The following RHBDL2 variants were observed in gnomAD, a reference collection of about 807,000 sequenced individuals.
The protein encoded by RHBDL2 is rhomboid-related protein 2.
RHBDL2 carries 26 observed loss-of-function variants against 31.7 expected under a neutral mutation model. The observed-to-expected ratio is 0.82, with a 90% confidence interval of 0.60 to 1.14. The LOEUF is 1.14. RHBDL2 is among the 50% of genes most tolerant of loss of function. The probability of loss-of-function intolerance (pLI) is 0.00; values close to 1 mark genes in which losing one functional copy is unlikely to be tolerated. For missense variants in RHBDL2, 336 were observed against 364.4 expected, an observed-to-expected ratio of 0.92 and a Z score of 0.63; for synonymous variants, 123 against 127.2, an observed-to-expected ratio of 0.97 and a Z score of 0.22.
At chr1:38,906,800 T>C (rs1322670549) in intron 4 of RHBDL2, among the ~76,000 whole-genome samples, 1 of 152,160 alleles carries the variant, frequency 6.6e-6, no homozygotes, top group African/African-American at 2.4e-5. Flanking sequence ...TGTTCATACA[T>C]TGAAACACTC....
intron 1 of RHBDL2, among the ~76,000 whole-genome samples, chr1:38,924,485 T>C (rs1056763245): frequency 6.6e-6 from 1 of 151,824 alleles, no homozygotes; most frequent in East Asian, 1.9e-4. Context: ...TCCCAGCTAC[T>C]CGGGAGGCTG....
intron 3 of RHBDL2, among the ~76,000 whole-genome samples, chr1:38,912,904 A>G (rs139947361): frequency 1.9e-3 from 62 of 32,580 alleles, no homozygotes; most frequent in African/African-American, 3.5e-3. Flanking sequence ...ATATATATAT[A>G]TATATATGTG....
At chr1:38,940,751 A>T (rs1643552061) in intron 1 of RHBDL2, among the ~76,000 whole-genome samples, 1 of 152,194 alleles carries the variant, frequency 6.6e-6, no homozygotes, top group Non-Finnish European at 1.5e-5. Context: ...CTTCATAAAA[A>T]TATCATTTTG....
chr1:38,909,596 G>C (rs964997199), intron 4 of RHBDL2, among the ~76,000 whole-genome samples: 1 of 151,992 alleles, frequency 6.6e-6, no homozygotes, highest in African/African-American at 2.4e-5. Flanking sequence ...ACAAAAATTA[G>C]CTGGGTGTGG....
chr1:38,918,363 A>C (rs557976210), intron 2 of RHBDL2, among the ~76,000 whole-genome samples: 2 of 152,178 alleles, frequency 1.3e-5, no homozygotes, highest in Admixed American at 1.3e-4. Flanking sequence ...GGGGGAAAAA[A>C]CTAGGTGCCA....
chr1:38,910,932 C>T (rs1468468141), intron 4 of RHBDL2, among the ~76,000 whole-genome samples: 1 of 65,348 alleles, frequency 1.5e-5, no homozygotes, highest in Non-Finnish European at 5.2e-5. Context: ...GGGTGAGCCA[C>T]CACCCCCAGC....
intron 4 of RHBDL2, among the ~76,000 whole-genome samples, chr1:38,897,791 G>A (rs1196454630): frequency 6.6e-6 from 1 of 152,172 alleles, no homozygotes; most frequent in Non-Finnish European, 1.5e-5. Flanking sequence ...AACTGGAAAA[G>A]CAATGGCATA....
chr1:38,939,690 C>G (rs1643543346), intron 1 of RHBDL2, among the ~76,000 whole-genome samples: 1 of 151,892 alleles, frequency 6.6e-6, no homozygotes, highest in Non-Finnish European at 1.5e-5. Context: ...CAGGTGCACA[C>G]CACCACACCA....
At chr1:38,934,117 G>T (rs1357897266) in intron 1 of RHBDL2, among the ~76,000 whole-genome samples, 1 of 151,332 alleles carries the variant, frequency 6.6e-6, no homozygotes, top group Non-Finnish European at 1.5e-5. Context: ...GGAAACTGAG[G>T]TGGGTGGATC....
intron 4 of RHBDL2, among the ~76,000 whole-genome samples, chr1:38,908,278 C>T (rs899881343): frequency 1.3e-5 from 2 of 151,650 alleles, no homozygotes; most frequent in South Asian, 4.1e-4. Context: ...TTTGGGAGGC[C>T]GAGGCAGGTG....
At chr1:38,910,348 G>A (rs1643123118) in intron 4 of RHBDL2, among the ~76,000 whole-genome samples, 1 of 152,170 alleles carries the variant, frequency 6.6e-6, no homozygotes, top group African/African-American at 2.4e-5. Flanking sequence ...GGGATCGCTG[G>A]TTTAAAGGGT....
Position 38,896,004 on chromosome 1 carries a change from C to T in RHBDL2, c.574G>A (p.Ala192Thr), listed in dbSNP as rs758745269. The T allele has an allele frequency of 1.2e-6, 2 of 1,613,828 alleles. No individual in the cohort carries two copies. The highest frequency in any genetic ancestry group is 1.7e-5 in the Admixed American group (1 of 60,002). ...YLVGASGGVY[A>T]LMGGYFMNVL... ...TTCATAAAATAGCCTCCCATCAGAG[C>T]ATAGACTCCTCCTGAAGCTCCCACA... The change falls in exon 5 of 8, where the codon GCT becomes ACT. Residue 192 changes from alanine (A) to threonine (T), a missense_variant. Physicochemically the swap from Ala to Thr is moderately conservative, Grantham distance 58. Transcript: ENST00000372990.
chr1:38,924,290 A>ACTGT (rs1643347953), intron 1 of RHBDL2, among the ~76,000 whole-genome samples: 2 of 152,016 alleles, frequency 1.3e-5, no homozygotes, highest in African/African-American at 2.4e-5. Flanking sequence ...CCTGGCCACA[A>ACTGT]GTACTCTTAA....
intron 5 of RHBDL2, among the ~76,000 whole-genome samples, chr1:38,894,352 C>G (rs1250922143): frequency 6.6e-6 from 1 of 152,132 alleles, no homozygotes; most frequent in African/African-American, 2.4e-5. Context: ...GAGTTGGAGT[C>G]TCACTCTGTC....
At position 38,929,398 on chromosome 1, in the gene RHBDL2, C is replaced by T. The variant is rs1303027353; in HGVS notation, c.-125-10061G>A. The T allele has an allele frequency of 8.5e-6, 11 of 1,289,222 alleles. No individual in the cohort carries two copies. The South Asian group carries it at 1.4e-4, about 16-fold the overall frequency. 79.9% of individuals were successfully genotyped at this position (1,289,222 alleles called of 1,614,324 possible). On this transcript the variant is annotated intron_variant, in intron 1 of 7. Coordinates refer to ENST00000372990, the MANE Select transcript of RHBDL2 (RefSeq NM_017821.5). ...CAGAGGACTAAATCAGGCTCACCTT[C>T]CCTTCTTCGCCTCACCCAGGAAGGC...
chr1:38,927,656 C>T (rs1479027361), intron 1 of RHBDL2, among the ~76,000 whole-genome samples: 2 of 152,186 alleles, frequency 1.3e-5, no homozygotes, highest in Non-Finnish European at 2.9e-5. Flanking sequence ...TTCCACTGGG[C>T]CTCAGTTTCC....
chr1:38,939,170 A>G (rs1274466397), intron 1 of RHBDL2, among the ~76,000 whole-genome samples: 1 of 152,188 alleles, frequency 6.6e-6, no homozygotes, highest in Non-Finnish European at 1.5e-5. Context: ...AGCAGCCCAG[A>G]GCAGATCTAC....
intron 1 of RHBDL2, 76 bp from the exon 2 acceptor site, chr1:38,919,413 T>C: frequency 7.1e-7 from 1 of 1,400,896 alleles, no homozygotes; most frequent in South Asian, 1.6e-5. Context: ...TAAAGTTTTC[T>C]ATGTAATTGT....
rs1643373139 is a variant in RHBDL2 at position 38,926,231 on chromosome 1, G to T, written c.-125-6894C>A. 7 of 1,100,696 alleles carry T rather than the reference G, an allele frequency of 6.4e-6. No individual in the cohort carries two copies. The South Asian group carries it at 1.4e-4, about 22-fold the overall frequency. The allele number at this position is 1,100,696 out of a possible 1,614,324, so 68.2% of individuals were successfully genotyped here. Reference sequence around the variant, plus strand: ...ATTCTTTACAGTGGTTGCAGCAGTGGCAGCAGTATCCAGTGTCCAGACGCC... The same window carrying T: ...ATTCTTTACAGTGGTTGCAGCAGTGTCAGCAGTATCCAGTGTCCAGACGCC... On this transcript the variant is annotated intron_variant, in intron 1 of 7. Transcript: ENST00000372990.
Sources: allele counts gnomAD v4.1 joint callset (sites outside exome capture counted in the v4.1 genomes callset), GRCh38; gene constraint gnomAD v4.1.1; transcripts MANE v1.5; gene names NCBI Gene and HGNC (gene_info 2026-07-23, HGNC 2026-07-21).